The following TRIO variants were observed in gnomAD, a reference collection of about 807,000 sequenced individuals.
TRIO encodes triple functional domain protein.
In TRIO, 58 loss-of-function variants were observed where a neutral mutation model predicts 351.9. The ratio of observed to expected loss-of-function variants is 0.16; its 90% CI spans 0.13 to 0.21. TRIO has a LOEUF of 0.21. Ranked by LOEUF, TRIO falls within the 10% of genes least tolerant of loss-of-function variation. The pLI is 1.00. For synonymous variants in TRIO, 1,758 were observed against 1,595.7 expected (o/e 1.10, Z -2.42); for missense variants, 3,201 against 4,027.8 (o/e 0.79, Z 5.56).
intron 48 of TRIO, 51 bp downstream of exon 48, chr5:14,488,311 C>A (rs1179759081): frequency 6.6e-7 from 1 of 1,514,728 alleles, no homozygotes; most frequent in African/African-American, 1.4e-5. Flanking sequence ...CTCTGTCCCG[C>A]CAGCTCTAAA....
intron 1 of TRIO, among the ~76,000 whole-genome samples, chr5:14,144,136 C>T (rs1787344464): frequency 6.6e-6 from 1 of 152,142 alleles, no homozygotes; most frequent in African/African-American, 2.4e-5. Context: ...TCCCTGCGCC[C>T]GCCCCTCGTT....
intron 8 of TRIO, among the ~76,000 whole-genome samples, chr5:14,313,805 AC>A (rs1739136648): frequency 6.6e-6 from 1 of 152,206 alleles, no homozygotes; most frequent in African/African-American, 2.4e-5. Context: ...GGATGAGCAT[AC>A]CTGCCAGCTT....
chr5:14,381,208 C>G lies in TRIO; in HGVS notation c.3526C>G (p.Gln1176Glu). The G allele has an allele frequency of 6.2e-7, 1 of 1,614,008 alleles. No homozygotes were observed. The highest frequency in any genetic ancestry group is 8.5e-7 in the Non-Finnish European group (1 of 1,179,982). ...TSTGSSIQHT[Q>E]ELLKEHEEFQ... is the part of the protein sequence containing the mutation. ...CACGGGCTCCAGTATACAGCACACCCAGGAGCTCCTGAAAGAGCACGAGGA... is the reference window on the plus strand; with the variant it reads ...CACGGGCTCCAGTATACAGCACACCGAGGAGCTCCTGAAAGAGCACGAGGA... The change falls in exon 21 of 57, where the codon CAG becomes GAG. Residue 1176 changes from glutamine to glutamate, a missense_variant. By Grantham distance (29) the Gln-to-Glu change is conservative. This residue lies in a region of TRIO where 201 missense variants were observed against 266.5 expected (regional missense o/e 0.75). Coordinates refer to ENST00000344204, the MANE Select transcript of TRIO (RefSeq NM_007118.4).
intron 21 of TRIO, among the ~76,000 whole-genome samples, chr5:14,386,627 C>T (rs987602504): frequency 6.6e-6 from 1 of 152,090 alleles, no homozygotes; most frequent in African/African-American, 2.4e-5. Context: ...TAGTAATAAC[C>T]ATCGAAATGG....
chr5:14,299,444 G>T (rs1238924412), intron 7 of TRIO, among the ~76,000 whole-genome samples: 4 of 152,274 alleles, frequency 2.6e-5, no homozygotes, highest in Non-Finnish European at 5.9e-5. Context: ...AACAAGGCCT[G>T]CACGTAGACA....
intron 1 of TRIO, among the ~76,000 whole-genome samples, chr5:14,258,737 C>T (rs1321491192): frequency 6.6e-6 from 1 of 152,212 alleles, no homozygotes; most frequent in African/African-American, 2.4e-5. Flanking sequence ...GGCCCCAGTA[C>T]CAGCCCAGTT....
chr5:14,380,352 C>A (rs181042331), intron 20 of TRIO, among the ~76,000 whole-genome samples: 1 of 151,304 alleles, frequency 6.6e-6, no homozygotes, highest in African/African-American at 2.4e-5. Flanking sequence ...CCTCGCTCCT[C>A]GCTCCTCCCT....
chr5:14,504,517 A>C lies in TRIO; in HGVS notation c.8536A>C (p.Ser2846Arg), dbSNP rs761627287. The C allele has an allele frequency of 5.0e-6, 8 of 1,613,978 alleles. No individual in the cohort carries two copies. The highest frequency in any genetic ancestry group is 6.8e-6 in the Non-Finnish European group (8 of 1,180,026). Reference protein sequence around the residue: ...QVTHELGILQSLQHPLLVGLL... With the variant: ...QVTHELGILQRLQHPLLVGLL... Reference sequence around the variant, plus strand: ...CACCCATGAGCTTGGCATCCTGCAGAGCCTCCAGCACCCCCTGCTTGTCGG... The same window carrying C: ...CACCCATGAGCTTGGCATCCTGCAGCGCCTCCAGCACCCCCTGCTTGTCGG... The change falls in exon 55 of 57, where the codon AGC becomes CGC. Residue 2846 changes from serine (S) to arginine (R), a missense_variant. Ser to Arg is a moderately radical substitution (Grantham distance 110, BLOSUM62 -1). Coordinates refer to ENST00000344204, the MANE Select transcript of TRIO (RefSeq NM_007118.4).
In TRIO at chr5:14,437,698, C is replaced by T. The variant is rs112411899; in HGVS notation, c.5203+17677C>T. Among the ~76,000 whole-genome samples the T allele has an allele frequency of 3.2e-3, 472 of 146,540 alleles. 6 individuals carry two copies. The highest frequency in any genetic ancestry group is 0.012 in the African/African-American group (443 of 38,086). ...TTGGATGAGGACCACCCCCCCCGCC[C>T]CAAGGACCTCATTTTAACTCTTTCA... On this transcript the variant is annotated intron_variant, in intron 34 of 56. Coordinates refer to ENST00000344204, the MANE Select transcript of TRIO (RefSeq NM_007118.4).
At chr5:14,174,823 A>G (rs1376155389) in intron 1 of TRIO, among the ~76,000 whole-genome samples, 1 of 152,228 alleles carries the variant, frequency 6.6e-6, no homozygotes, top group Non-Finnish European at 1.5e-5. Flanking sequence ...GTGGATCTCA[A>G]TAAAATTCAG....
intron 4 of TRIO, among the ~76,000 whole-genome samples, chr5:14,290,476 A>G (rs559778524): frequency 1.3e-5 from 2 of 152,296 alleles, no homozygotes; most frequent in East Asian, 3.9e-4. Context: ...ACACGATTCT[A>G]CAGTTTTGGG....
chr5:14,474,106 A>G lies in TRIO; in HGVS notation c.6083+9A>G, dbSNP rs1754872660. Reference sequence around the variant, plus strand: ...TACGACTGGCACAGAGAGTACGTAAACATGCATTGTGCCCGATGGTGTGCA... The same window carrying G: ...TACGACTGGCACAGAGAGTACGTAAGCATGCATTGTGCCCGATGGTGTGCA... On this transcript the variant is annotated intron_variant, in intron 40 of 56. Coordinates refer to ENST00000344204, the MANE Select transcript of TRIO (RefSeq NM_007118.4). The G allele has an allele frequency of 1.2e-6, 2 of 1,610,682 alleles. No homozygotes were observed. The highest frequency in any genetic ancestry group is 1.7e-6 in the Non-Finnish European group (2 of 1,177,172).
At chr5:14,387,118 G>A (rs1189047309) in intron 21 of TRIO, among the ~76,000 whole-genome samples, 4 of 152,218 alleles carry the variant, frequency 2.6e-5, no homozygotes, top group Admixed American at 6.5e-5. Flanking sequence ...TGAAGACCGC[G>A]TTCTTCGCAT....
At chr5:14,260,087 T>C (rs1014695080) in intron 1 of TRIO, among the ~76,000 whole-genome samples, 1 of 152,248 alleles carries the variant, frequency 6.6e-6, no homozygotes, top group African/African-American at 2.4e-5. Flanking sequence ...TTTGAACATG[T>C]TACTTACGTT....
At chr5:14,357,844 C>A (rs1743766193) in intron 11 of TRIO, among the ~76,000 whole-genome samples, 2 of 152,252 alleles carry the variant, frequency 1.3e-5, no homozygotes, top group Admixed American at 6.5e-5. Context: ...CTTATTTCCA[C>A]TGCAGTCTGG....
intron 1 of TRIO, among the ~76,000 whole-genome samples, chr5:14,238,213 G>C (rs1239126890): frequency 6.6e-6 from 1 of 152,206 alleles, no homozygotes; most frequent in African/African-American, 2.4e-5. Context: ...TTCTTGGAGG[G>C]ATAGGGTCCT....
chr5:14,462,671 C>T, intron 35 of TRIO, 84 bp from the exon 36 acceptor site: 2 of 1,560,238 alleles, frequency 1.3e-6, no homozygotes, highest in South Asian at 1.2e-5. Context: ...AGTCTCTGTC[C>T]CCACCTTGCT....
chr5:14,252,266 A>G (rs571280209), intron 1 of TRIO, among the ~76,000 whole-genome samples: 22 of 152,252 alleles, frequency 1.4e-4, no homozygotes, highest in African/African-American at 5.1e-4. Flanking sequence ...TGATAATTCT[A>G]CATCGATTCC....
At chr5:14,421,401 C>G (rs560611687) in intron 34 of TRIO, among the ~76,000 whole-genome samples, 2 of 151,396 alleles carry the variant, frequency 1.3e-5, no homozygotes, top group Non-Finnish European at 2.9e-5. Context: ...GTCAAAAGTT[C>G]GGACCAGCCT....
Sources: gnomAD v4.1 joint callset for allele counts (sites outside exome capture counted in the v4.1 genomes callset) on GRCh38, gnomAD v4.1.1 for gene constraint, gnomAD v4.1.1 regional missense constraint, MANE v1.5 for transcripts, NCBI Gene and HGNC (gene_info 2026-07-23, HGNC 2026-07-21) for gene names.